Variants in CCPG1 observed in about 807,000 individuals in gnomAD.
CCPG1 encodes cell cycle progression 1.
In CCPG1, 46 loss-of-function variants were observed where a neutral mutation model predicts 81.3. The observed-to-expected ratio is 0.57, with a 90% CI of 0.45 to 0.72. The LOEUF (loss-of-function observed/expected upper bound fraction) is 0.72, where lower values mean the gene tolerates loss of function less well. Among genes scored for constraint, CCPG1 ranks in the 30% least tolerant of loss-of-function variants. The pLI is 0.00. For synonymous variants in CCPG1, 330 were observed against 305.2 expected, an observed-to-expected ratio of 1.08 and a Z score of -0.85; for missense variants, 902 against 937.6, an observed-to-expected ratio of 0.96 and a Z score of 0.50.
At chr15:55,378,595 A>G (rs1250767738) in intron 3 of CCPG1, among the ~76,000 whole-genome samples, 1 of 149,156 alleles carries the variant, frequency 6.7e-6, no homozygotes, top group African/African-American at 2.4e-5. Flanking sequence ...AAGAAAATGC[A>G]ATCATTTAAG....
In CCPG1 at chr15:55,359,981, C is replaced by G. The variant is rs531158774; in HGVS notation, c.1792G>C (p.Val598Leu). The G allele has an allele frequency of 1.2e-5, 20 of 1,612,968 alleles. No homozygotes were observed. In the African/African-American group the frequency reaches 2.7e-4, roughly 22 times the overall value. Residue 598 changes from valine to leucine, a missense_variant, in exon 8 of 9, where the codon GTT becomes CTT. Coordinates refer to ENST00000442196, the MANE Select transcript of CCPG1 (RefSeq NM_001204450.2). ...TTTTTTCTGAATTCTTTAAAGTGAACTGGCTTTTCTTTCCTTCCATCATTT... is the reference window on the plus strand; with the variant it reads ...TTTTTTCTGAATTCTTTAAAGTGAAGTGGCTTTTCTTTCCTTCCATCATTT... Reference protein sequence around the residue: ...MQNDGRKEKPVHFKEFRKNTN... With the variant: ...MQNDGRKEKPLHFKEFRKNTN...
chr15:55,362,860 T>C (rs1028577657), intron 7 of CCPG1, among the ~76,000 whole-genome samples: 1 of 141,396 alleles, frequency 7.1e-6, no homozygotes, highest in Non-Finnish European at 1.5e-5. Flanking sequence ...GGCAACATAG[T>C]GAGACCCCAT....
intron 1 of CCPG1, among the ~76,000 whole-genome samples, chr15:55,397,129 G>C (rs888736019): frequency 5.9e-5 from 9 of 152,202 alleles, no homozygotes; most frequent in African/African-American, 2.2e-4. Flanking sequence ...CAGTAGAATG[G>C]CGTGAACCCG....
At chr15:55,357,357 C>G (rs890911928) in intron 8 of CCPG1, 2 of 985,192 alleles carry the variant, frequency 2.0e-6, no homozygotes, top group African/African-American at 3.5e-5. Flanking sequence ...CTAGTATAGT[C>G]CCAGTTTAGA....
In CCPG1 at chr15:55,356,113, A is replaced by T; in HGVS notation, c.*107T>A. ...AGTTATCAAACTGATACTTAGAAAC[A>T]AAAGAAAAGACATTGTCATCTTGGT... On this transcript the variant is annotated 3_prime_UTR_variant, in exon 9 of 9. Coordinates refer to ENST00000442196, the MANE Select transcript of CCPG1 (RefSeq NM_001204450.2). The T allele has an allele frequency of 1.2e-6, 1 of 862,686 alleles. No individual in the cohort carries two copies. Among genetic ancestry groups the T allele is most frequent in the Non-Finnish European group, 1.7e-6 (1 of 575,396 alleles). The allele number at this position is 862,686 out of a possible 1,614,324, so 53.4% of individuals were successfully genotyped here. A position where few individuals can be genotyped will look rare whatever the true frequency, so the allele number is the denominator to read the frequency against.
chr15:55,389,321 A>G (rs747376140), intron 2 of CCPG1, 44 bp downstream of exon 2: 20 of 1,329,214 alleles, frequency 1.5e-5, no homozygotes, highest in Non-Finnish European at 2.1e-5. Context: ...CACTGGTAAC[A>G]TTAATATTAC....
At position 55,391,861 on chromosome 15, in the gene CCPG1, C is replaced by A. The variant is rs1204578150; in HGVS notation, c.-9-2428G>T. On this transcript the variant is annotated intron_variant, in intron 1 of 8. Coordinates refer to ENST00000442196, the MANE Select transcript of CCPG1 (RefSeq NM_001204450.2). The stretch of plus-strand genomic sequence containing the variant: ...CTCCAGACTGGGTAATACAGTGAAA[C>A]CTTGACTCTTTAAAAAAAAAAAAAA... Among the ~76,000 whole-genome samples the A allele has an allele frequency of 8.5e-5, 10 of 117,398 alleles. No individual in the cohort carries two copies. In the South Asian group the frequency reaches 2.6e-3, roughly 30 times the overall value. 77.0% of individuals were successfully genotyped at this position (117,398 alleles called of 152,430 possible).
In CCPG1 at chr15:55,385,732, T is replaced by A. The variant is rs779009510; in HGVS notation, c.61-18A>T. ...TCTGACCCCTAAGGAAAAGTGATAA[T>A]CTTTCAGTTATTTGCCTATTAGCTC... On this transcript the variant is annotated intron_variant, in intron 2 of 8. Coordinates refer to ENST00000442196, the MANE Select transcript of CCPG1 (RefSeq NM_001204450.2). 2 of 1,382,440 alleles carry A rather than the reference T, an allele frequency of 1.4e-6. No homozygotes were observed. Among genetic ancestry groups the A allele is most frequent in the Non-Finnish European group, 2.1e-6 (2 of 970,460 alleles). The allele number at this position is 1,382,440 out of a possible 1,614,324, so 85.6% of individuals were successfully genotyped here.
At chr15:55,395,036 G>C (rs2414413) in intron 1 of CCPG1, among the ~76,000 whole-genome samples, 149,527 of 152,172 alleles carry the variant, frequency 0.98, 73,512 homozygotes, top group Non-Finnish European at 1. Flanking sequence ...GATCTCCCAT[G>C]TCCTTGGCTG....
intron 5 of CCPG1, among the ~76,000 whole-genome samples, chr15:55,374,414 T>A (rs993073814): frequency 6.6e-6 from 1 of 152,170 alleles, no homozygotes; most frequent in Non-Finnish European, 1.5e-5. Context: ...CAAACTTCTC[T>A]ACACTACCAA....
At chr15:55,407,867 C>G (rs979712601) in intron 1 of CCPG1, 2 of 152,588 alleles carry the variant, frequency 1.3e-5, no homozygotes, top group Non-Finnish European at 2.9e-5. Context: ...TTCATCAGTC[C>G]AGACCGACAA....
chr15:55,378,166 A>C (rs2056605102), intron 4 of CCPG1, 134 bp downstream of exon 4: 1 of 533,140 alleles, frequency 1.9e-6, no homozygotes, highest in Non-Finnish European at 3.3e-6. Context: ...ATGTCCTCTA[A>C]GACATCTAAC....
At chr15:55,358,047 T>C (rs2056118196) in intron 8 of CCPG1, 1 of 152,160 alleles carries the variant, frequency 6.6e-6, no homozygotes, top group African/African-American at 2.4e-5. Flanking sequence ...GTGTTTGTGT[T>C]CAAGTATCCC....
chr15:55,390,868 CAA>C (rs1299844404), intron 1 of CCPG1, among the ~76,000 whole-genome samples: 2 of 152,146 alleles, frequency 1.3e-5, no homozygotes, highest in Admixed American at 1.3e-4. Flanking sequence ...AATGTTATGA[CAA>C]GAGCATTTTG....
chr15:55,387,061 T>C (rs1595853614), intron 2 of CCPG1, among the ~76,000 whole-genome samples: 2 of 152,044 alleles, frequency 1.3e-5, no homozygotes, highest in South Asian at 2.1e-4. Flanking sequence ...CAAATGAGAA[T>C]GGCAGTAATG....
chr15:55,371,175 T>C (rs545263767), intron 6 of CCPG1, among the ~76,000 whole-genome samples: 1 of 152,282 alleles, frequency 6.6e-6, no homozygotes, highest in Admixed American at 6.5e-5. Flanking sequence ...GTAACACCAA[T>C]AGAATACCTT....
chr15:55,357,469 C>A, intron 8 of CCPG1: 1 of 980,736 alleles, frequency 1.0e-6, no homozygotes, highest in Non-Finnish European at 1.2e-6. Flanking sequence ...CCACCGTATC[C>A]ACGGCTTTAC....
chr15:55,356,458 T>A, intron 8 of CCPG1, 49 bp from the exon 9 acceptor site: 1 of 1,404,078 alleles, frequency 7.1e-7, no homozygotes, highest in South Asian at 1.4e-5. Flanking sequence ...TCAATGTATT[T>A]AAATTTAAAA....
intron 4 of CCPG1, among the ~76,000 whole-genome samples, chr15:55,377,375 C>CT (rs2056588408): frequency 6.6e-6 from 1 of 152,184 alleles, no homozygotes; most frequent in Admixed American, 6.6e-5. Context: ...ACTGCATTCT[C>CT]CTAGTGGGCT....
Sources: allele counts gnomAD v4.1 joint callset (sites outside exome capture counted in the v4.1 genomes callset), GRCh38; gene constraint gnomAD v4.1.1; transcripts MANE v1.5; gene names NCBI Gene and HGNC (gene_info 2026-07-23, HGNC 2026-07-21).